Variants in LARP1 observed in about 807,000 individuals in gnomAD.
LARP1 encodes the protein La ribonucleoprotein 1, translational regulator, also known as la-related protein 1.
A neutral mutation model predicts 122.7 loss-of-function variants in LARP1; 36 were observed. That is an observed-to-expected ratio of 0.29 (90% confidence interval 0.22 to 0.39). The LOEUF is 0.39. Ranked by LOEUF, LARP1 falls within the 10% of genes least tolerant of loss-of-function variation. The probability of loss-of-function intolerance (pLI) is 1.00; values close to 1 mark genes in which losing one functional copy is unlikely to be tolerated. For missense variants in LARP1, 1,040 were observed against 1,403.6 expected (o/e 0.74, Z 4.14); for synonymous variants, 539 against 528.7 (o/e 1.02, Z -0.27).
At chr5:154,762,071 T>C (rs1474525113) in intron 1 of LARP1, among the ~76,000 whole-genome samples, 1 of 152,070 alleles carries the variant, frequency 6.6e-6, no homozygotes, top group Non-Finnish European at 1.5e-5. Flanking sequence ...TGAAACCTCG[T>C]CTCTACTAAA....
chr5:154,786,263 A>T (rs1756875252), intron 1 of LARP1, among the ~76,000 whole-genome samples: 1 of 151,688 alleles, frequency 6.6e-6, no homozygotes, highest in African/African-American at 2.4e-5. Context: ...CTGGTCTCTA[A>T]CTCCTGACCT....
In LARP1 at chr5:154,793,677, C is replaced by T. The variant is rs1480058995; in HGVS notation, c.822C>T (p.Arg274=). 3 of 1,614,084 alleles carry T rather than the reference C, an allele frequency of 1.9e-6. No homozygotes were observed. Among genetic ancestry groups the T allele is most frequent in the Non-Finnish European group, 2.5e-6 (3 of 1,180,000 alleles). Reference sequence around the variant, plus strand: ...AGAAACTGGCTTCACGCCCCACTCGCCCACCGGAGCCTAGACACATACCTG... The same window carrying T: ...AGAAACTGGCTTCACGCCCCACTCGTCCACCGGAGCCTAGACACATACCTG... The part of the protein sequence containing the change: ...PREKLASRPT[R]PPEPRHIPAN... Residue 274 remains arginine, a synonymous_variant, in exon 5 of 19, where the codon CGC becomes CGT. Transcript: ENST00000518297.
At chr5:154,744,668 C>G (rs1357902323) in intron 1 of LARP1, among the ~76,000 whole-genome samples, 1 of 77,678 alleles carries the variant, frequency 1.3e-5, no homozygotes, top group East Asian at 3.9e-4. Context: ...GACGGAGTCT[C>G]GCTCTGTCGC....
At chr5:154,793,435 G>C (rs1757493983) in intron 4 of LARP1, among the ~76,000 whole-genome samples, 160 bp from the exon 5 acceptor site, 1 of 152,160 alleles carries the variant, frequency 6.6e-6, no homozygotes, top group Non-Finnish European at 1.5e-5. Flanking sequence ...GCTTATTTTA[G>C]AGATGAAAAA....
intron 1 of LARP1, among the ~76,000 whole-genome samples, chr5:154,702,915 C>G (rs1174270986): frequency 1.2e-4 from 18 of 151,380 alleles, no homozygotes; most frequent in Non-Finnish European, 2.9e-5. Context: ...GTCAGGAGTT[C>G]AAGACCAGCC....
rs376424947 is a variant in LARP1, at chr5:154,727,982, C to T, written c.205+14852C>T. ...ACTCAGCAGGCTGAGGCAGGAGAAT[C>T]GCTCAAACCCCGGTGGTGGAGGTTG... On this transcript the variant is annotated intron_variant, in intron 1 of 18. Transcript: ENST00000336314. Among the ~76,000 whole-genome samples, 97 of 152,216 alleles carry T rather than the reference C, an allele frequency of 6.4e-4. 1 individual carries two copies. The highest frequency in any genetic ancestry group is 1.9e-3 in the African/African-American group (79 of 41,532).
intron 1 of LARP1, among the ~76,000 whole-genome samples, chr5:154,734,142 G>A (rs933615838): frequency 2.0e-5 from 3 of 151,144 alleles, no homozygotes; most frequent in Non-Finnish European, 4.4e-5. Flanking sequence ...ACTCCAGCCT[G>A]GGCAACAAAA....
intron 1 of LARP1, among the ~76,000 whole-genome samples, chr5:154,786,895 T>TG (rs1554087219): frequency 8.2e-4 from 124 of 151,580 alleles, no homozygotes; most frequent in African/African-American, 2.7e-3. Context: ...TTTTTTTTTT[T>TG]GGGATGGAAT....
At chr5:154,811,093 A>C (rs1192442070) in intron 16 of LARP1, among the ~76,000 whole-genome samples, 154 bp from the exon 17 acceptor site, 2 of 152,224 alleles carry the variant, frequency 1.3e-5, no homozygotes, top group African/African-American at 4.8e-5. Context: ...TGCTGGACCC[A>C]CTTAGACTAG....
intron 1 of LARP1, among the ~76,000 whole-genome samples, chr5:154,726,988 G>A (rs1423932889): frequency 1.3e-5 from 2 of 152,184 alleles, no homozygotes; most frequent in Admixed American, 6.5e-5. Flanking sequence ...CTACCTGGTC[G>A]TGCCCTTGAC....
intron 1 of LARP1, among the ~76,000 whole-genome samples, chr5:154,740,637 C>T (rs951192903): frequency 6.6e-5 from 10 of 152,124 alleles, no homozygotes; most frequent in African/African-American, 1.7e-4. Flanking sequence ...GCAGCCTGGC[C>T]GGAAGCCCAG....
At position 154,800,090 on chromosome 5, in the gene LARP1, G is replaced by A. The variant is rs756070402; in HGVS notation, c.1716+48G>A. 1.4e-5 allele frequency: 22 copies of A among 1,549,378 alleles called. 3 individuals carry two copies. The highest frequency in any genetic ancestry group is 1.0e-4 in the South Asian group (9 of 86,608). Reference sequence around the variant, plus strand: ...CCTTGGTTCTAGCACTCTGAGCTAGGGTGCTTGAAGGGGATAACACATGGG... The same window carrying A: ...CCTTGGTTCTAGCACTCTGAGCTAGAGTGCTTGAAGGGGATAACACATGGG... On this transcript the variant is annotated intron_variant, in intron 10 of 18. Transcript: ENST00000518297.
intron 1 of LARP1, among the ~76,000 whole-genome samples, chr5:154,694,019 A>G (rs1470588338): frequency 1.3e-5 from 2 of 152,194 alleles, no homozygotes; most frequent in Admixed American, 6.5e-5. Context: ...GGATAGAGGA[A>G]CACGTTAAAC....
Position 154,793,784 on chromosome 5 carries a change from A to C in LARP1, c.869-16A>C, listed in dbSNP as rs1582430839. 2.5e-6 allele frequency: 4 copies of C among 1,613,942 alleles called. No homozygotes were observed. The highest frequency in any genetic ancestry group is 3.4e-6 in the Non-Finnish European group (4 of 1,179,972). ...GAGACACCCTCAGGCCTGACCTGGT[A>C]CCCCTCTCCCCATAGGGTCTGAGTC... On this transcript the variant is annotated splice_polypyrimidine_tract_variant and intron_variant, in intron 5 of 18. Coordinates refer to ENST00000518297, the MANE Select transcript of LARP1 (RefSeq NM_033551.3).
chr5:154,723,743 A>G (rs1756026331), intron 1 of LARP1, among the ~76,000 whole-genome samples: 1 of 152,202 alleles, frequency 6.6e-6, no homozygotes, highest in Non-Finnish European at 1.5e-5. Flanking sequence ...AGAGCCCACA[A>G]CCAGGAAGTA....
intron 14 of LARP1, 94 bp downstream of exon 14, chr5:154,804,401 A>T (rs2298748): frequency 0.082 from 76,301 of 934,822 alleles, 3,468 homozygotes; most frequent in South Asian, 0.11. Flanking sequence ...TGGTCTGAAA[A>T]TTAAAGGGAC....
Position 154,777,117 on chromosome 5 carries a change from C to T in LARP1, c.437-13208C>T, listed in dbSNP as rs572492602. Among the ~76,000 whole-genome samples the T allele has an allele frequency of 1.8e-4, 28 of 152,258 alleles. No homozygotes were observed. The South Asian group carries it at 5.6e-3, about 30-fold the overall frequency. ...AGGTTGTATAGTATAGCCTGTTGCT[C>T]CTGGGCTACAAACCTGTGTAGCATG... On this transcript the variant is annotated intron_variant, in intron 1 of 18. Coordinates refer to ENST00000518297, the MANE Select transcript of LARP1 (RefSeq NM_033551.3).
At chr5:154,725,966 G>A (rs2113375081) in intron 1 of LARP1, among the ~76,000 whole-genome samples, 1 of 152,150 alleles carries the variant, frequency 6.6e-6, no homozygotes, top group East Asian at 1.9e-4. Flanking sequence ...TCGGCCTCTT[G>A]AGTAGCTGGG....
intron 1 of LARP1, among the ~76,000 whole-genome samples, chr5:154,685,136 A>G (rs943410071): frequency 5.9e-5 from 9 of 151,960 alleles, no homozygotes; most frequent in African/African-American, 1.9e-4. Context: ...CCCAGCTACT[A>G]AGGAGGCTGA....
Sources: gnomAD v4.1 joint callset for allele counts (sites outside exome capture counted in the v4.1 genomes callset) on GRCh38, gnomAD v4.1.1 for gene constraint, MANE v1.5 for transcripts, NCBI Gene and HGNC (gene_info 2026-07-23, HGNC 2026-07-21) for gene names.